The following ARHGAP15 variants were observed in gnomAD, a reference collection of about 807,000 sequenced individuals.
ARHGAP15 encodes rho GTPase-activating protein 15.
Under a neutral mutation model 63.7 loss-of-function variants are expected in ARHGAP15, and 51 were observed. The ratio of observed to expected loss-of-function variants is 0.80; its 90% confidence interval spans 0.64 to 1.01. The LOEUF is 1.01. Ranked by LOEUF, ARHGAP15 falls within the 50% of genes least tolerant of loss-of-function variation. The pLI is 0.00. For missense variants in ARHGAP15, 560 were observed against 564.6 expected, an observed-to-expected ratio of 0.99 and a Z score of 0.08; for synonymous variants, 191 against 193.8, an observed-to-expected ratio of 0.99 and a Z score of 0.12.
chr2:143,507,919 T>C lies in ARHGAP15; in HGVS notation c.827-11347T>C, dbSNP rs530939046. ...ACCCAAGCACCATCATCTCTTCCTA[T>C]ATTTCACTACCCCCCTGATGAGCCT... On this transcript the variant is annotated intron_variant, in intron 9 of 13. Transcript: ENST00000295095. Among the ~76,000 whole-genome samples, 30 of 152,250 alleles carry C rather than the reference T, an allele frequency of 2.0e-4. No individual in the cohort carries two copies. The South Asian group carries it at 5.8e-3, about 29-fold the overall frequency.
At chr2:143,256,422 T>C (rs768112660) in intron 6 of ARHGAP15, among the ~76,000 whole-genome samples, 3 of 152,100 alleles carry the variant, frequency 2.0e-5, no homozygotes, top group Non-Finnish European at 4.4e-5. Flanking sequence ...AGAATATAGA[T>C]CCTTAATCTT....
At chr2:143,508,731 CAG>C (rs10579928) in intron 9 of ARHGAP15, among the ~76,000 whole-genome samples, 136,238 of 152,042 alleles carry the variant, frequency 0.9, 61,466 homozygotes, top group Non-Finnish European at 0.96. Flanking sequence ...TTCATGCGCA[CAG>C]TGTCCCATTT....
chr2:143,542,953 C>T (rs543987730), intron 10 of ARHGAP15, among the ~76,000 whole-genome samples: 13 of 149,258 alleles, frequency 8.7e-5, no homozygotes, highest in Middle Eastern at 3.6e-3. Context: ...CATTGATGGA[C>T]ACTTAGGTTA....
At chr2:143,528,052 G>T (rs1694357761) in intron 10 of ARHGAP15, among the ~76,000 whole-genome samples, 1 of 152,030 alleles carries the variant, frequency 6.6e-6, no homozygotes, top group Non-Finnish European at 1.5e-5. Flanking sequence ...TTTCCTTAAT[G>T]ATTTTATTTT....
chr2:143,685,031 CAAAT>C (rs1368495943), intron 12 of ARHGAP15, among the ~76,000 whole-genome samples: 1 of 152,126 alleles, frequency 6.6e-6, no homozygotes, highest in African/African-American at 2.4e-5. Context: ...AATAAAATGT[CAAAT>C]AAAAGTGAGG....
intron 6 of ARHGAP15, among the ~76,000 whole-genome samples, chr2:143,251,276 AAATTT>A (rs1680147288): frequency 3.3e-5 from 5 of 152,028 alleles, no homozygotes; most frequent in Admixed American, 3.3e-4. Flanking sequence ...ATTTTATATG[AAATTT>A]AATTTTATAT....
intron 11 of ARHGAP15, among the ~76,000 whole-genome samples, chr2:143,602,723 A>G (rs538391511): frequency 3.3e-5 from 5 of 152,316 alleles, no homozygotes; most frequent in African/African-American, 1.2e-4. Context: ...TGTAAATGTT[A>G]TATTAAAGAA....
intron 12 of ARHGAP15, among the ~76,000 whole-genome samples, chr2:143,632,241 C>T (rs919175239): frequency 2.6e-5 from 4 of 151,966 alleles, no homozygotes; most frequent in Non-Finnish European, 4.4e-5. Flanking sequence ...ATGCTAACTC[C>T]GTGATCAAAA....
intron 6 of ARHGAP15, among the ~76,000 whole-genome samples, chr2:143,354,702 G>A (rs1685733671): frequency 6.6e-6 from 1 of 152,152 alleles, no homozygotes; most frequent in Non-Finnish European, 1.5e-5. Context: ...AATATGTAAA[G>A]TGAATGGCAT....
At chr2:143,413,945 G>T (rs960694714) in intron 6 of ARHGAP15, among the ~76,000 whole-genome samples, 157 of 90,024 alleles carry the variant, frequency 1.7e-3, no homozygotes, top group African/African-American at 6.8e-3. Flanking sequence ...GTGTGTGTGT[G>T]TGTGTGTGTG....
At chr2:143,518,870 AT>A (rs1420321397) in intron 9 of ARHGAP15, 1 of 163,600 alleles carries the variant, frequency 6.1e-6, no homozygotes, top group Non-Finnish European at 1.3e-5. Flanking sequence ...TACTGATAAC[AT>A]TGTAATTTTC....
At chr2:143,684,073 T>TTATC (rs10633359) in intron 12 of ARHGAP15, among the ~76,000 whole-genome samples, 49,749 of 151,872 alleles carry the variant, frequency 0.33, 8,364 homozygotes, top group Non-Finnish European at 0.35. Context: ...TTGCACACAT[T>TTATC]TATCTCCTAA....
chr2:143,418,166 C>G (rs1455982203), intron 6 of ARHGAP15, among the ~76,000 whole-genome samples: 2 of 152,184 alleles, frequency 1.3e-5, no homozygotes, highest in Non-Finnish European at 2.9e-5. Context: ...ATGCTACAGG[C>G]CCAACAACAG....
chr2:143,637,111 C>G (rs536804013), intron 12 of ARHGAP15, among the ~76,000 whole-genome samples: 3 of 152,168 alleles, frequency 2.0e-5, no homozygotes, highest in African/African-American at 2.4e-5. Context: ...GTTGCCCCCC[C>G]CAAAGACCCT....
At chr2:143,613,352 A>G (rs1441362489) in intron 11 of ARHGAP15, among the ~76,000 whole-genome samples, 1 of 152,194 alleles carries the variant, frequency 6.6e-6, no homozygotes, top group Admixed American at 6.5e-5. Context: ...CTTATTGGTA[A>G]GTAAAAAAGC....
intron 6 of ARHGAP15, among the ~76,000 whole-genome samples, chr2:143,421,530 C>T (rs2105052978): frequency 6.6e-6 from 1 of 151,988 alleles, no homozygotes; most frequent in Non-Finnish European, 1.5e-5. Flanking sequence ...ATCACATCTT[C>T]ATTACTCCCT....
intron 11 of ARHGAP15, among the ~76,000 whole-genome samples, chr2:143,585,863 C>G (rs769911533): frequency 6.6e-6 from 1 of 151,862 alleles, no homozygotes; most frequent in Non-Finnish European, 1.5e-5. Flanking sequence ...ATATGTTCAC[C>G]CCTTTGTTAT....
chr2:143,166,470 G>A (rs1209667019), intron 2 of ARHGAP15, among the ~76,000 whole-genome samples: 1 of 151,852 alleles, frequency 6.6e-6, no homozygotes, highest in Non-Finnish European at 1.5e-5. Flanking sequence ...TGAAGGCTGG[G>A]GACATAAACC....
intron 6 of ARHGAP15, among the ~76,000 whole-genome samples, chr2:143,337,930 CTG>C (rs1273370187): frequency 6.6e-6 from 1 of 152,144 alleles, no homozygotes; most frequent in African/African-American, 2.4e-5. Context: ...TGATATAGTA[CTG>C]TTAGACATCT....
Sources: allele counts gnomAD v4.1 joint callset (sites outside exome capture counted in the v4.1 genomes callset), GRCh38; gene constraint gnomAD v4.1.1; transcripts MANE v1.5; gene names NCBI Gene and HGNC (gene_info 2026-07-23, HGNC 2026-07-21).